FRYL: variants seen among roughly 807,000 people sequenced by gnomAD.
FRYL encodes protein furry homolog-like.
A neutral mutation model predicts 351.2 loss-of-function variants in FRYL; 150 were observed. The observed-to-expected ratio is 0.43, with a 90% CI of 0.37 to 0.49. FRYL has a LOEUF of 0.49. Among genes scored for constraint, FRYL ranks in the 20% least tolerant of loss-of-function variants. FRYL has a pLI of 0.00. For missense variants in FRYL, 3,036 were observed against 3,619.3 expected (o/e 0.84, Z 4.13); for synonymous variants, 1,153 against 1,257.1 (o/e 0.92, Z 1.75).
intron 3 of FRYL, among the ~76,000 whole-genome samples, chr4:48,644,027 T>A (rs1755871348): frequency 5.3e-5 from 8 of 152,166 alleles, no homozygotes; most frequent in Admixed American, 5.2e-4. Flanking sequence ...CACTGCAACC[T>A]CTGCCTCCCA....
chr4:48,703,234 C>G (rs1264921021), intron 2 of FRYL, among the ~76,000 whole-genome samples: 2 of 152,138 alleles, frequency 1.3e-5, no homozygotes, highest in Admixed American at 6.5e-5. Context: ...GGGACTAAGA[C>G]AGTATGGGAC....
intron 3 of FRYL, among the ~76,000 whole-genome samples, chr4:48,658,094 C>T (rs1272236203): frequency 6.6e-6 from 1 of 152,016 alleles, no homozygotes; most frequent in African/African-American, 2.4e-5. Context: ...CAAAATATTG[C>T]TATTTAGATA....
chr4:48,613,352 A>G (rs1748644091), intron 7 of FRYL, among the ~76,000 whole-genome samples: 1 of 152,138 alleles, frequency 6.6e-6, no homozygotes, highest in South Asian at 2.1e-4. Context: ...ACAGGGTTTG[A>G]TATTATCCAT....
chr4:48,680,950 T>C lies in FRYL; in HGVS notation c.-81+3723A>G, dbSNP rs1191710507. ...TTTACCTAGTTGTTGGTGTTCGTAT[T>C]TGTCATAATTACTATGACAGAAATT... On this transcript the variant is annotated intron_variant, in intron 3 of 63. Transcript: ENST00000358350. The C allele has an allele frequency of 5.6e-6, 7 of 1,241,156 alleles. No homozygotes were observed. In the Admixed American group the frequency reaches 1.3e-4, roughly 23 times the overall value. 76.9% of individuals were successfully genotyped at this position (1,241,156 alleles called of 1,614,324 possible).
In FRYL at chr4:48,564,074, G is replaced by A. The variant is rs779132799; in HGVS notation, c.3470C>T (p.Thr1157Met). The stretch of plus-strand genomic sequence containing the variant: ...ATCAGGGTTCAGCTCCAGTAACAAC[G>A]TAACTGCTTCACAGCCCAGCTGGTG... ...KVHQLGCEAV[T>M]LLLELNPDQS... The change falls in exon 31 of 64, where the codon ACG (threonine) becomes ATG (methionine). Residue 1157 changes from threonine to methionine, a missense_variant. Coordinates refer to ENST00000358350, the MANE Select transcript of FRYL (RefSeq NM_015030.2). The A allele has an allele frequency of 3.1e-6, 5 of 1,614,082 alleles. No homozygotes were observed. The highest frequency in any genetic ancestry group is 4.2e-6 in the Non-Finnish European group (5 of 1,179,998).
chr4:48,674,690 TC>T (rs1170995649), intron 3 of FRYL, among the ~76,000 whole-genome samples: 4 of 115,798 alleles, frequency 3.5e-5, no homozygotes, highest in Non-Finnish European at 6.5e-5. Context: ...TGAGCCAAGA[TC>T]GCTCCACTGC....
At chr4:48,511,099 G>A in intron 57 of FRYL, 115 bp from the exon 58 acceptor site, 1 of 582,722 alleles carries the variant, frequency 1.7e-6, no homozygotes, top group South Asian at 2.8e-5. Context: ...ATGATATATA[G>A]AACTTTAATC....
chr4:48,705,103 G>A (rs1427695886), intron 2 of FRYL, among the ~76,000 whole-genome samples: 1 of 151,998 alleles, frequency 6.6e-6, no homozygotes, highest in East Asian at 1.9e-4. Context: ...CCTGGGTGAC[G>A]GTGAGACTGT....
At chr4:48,592,082 T>TATATATA (rs888017807) in intron 16 of FRYL, among the ~76,000 whole-genome samples, 22 of 116,206 alleles carry the variant, frequency 1.9e-4, no homozygotes, top group South Asian at 8.7e-4. Flanking sequence ...AATAAAGCTC[T>TATATATA]TATATATATA....
chr4:48,666,975 TAACA>T (rs1761823863), intron 3 of FRYL, among the ~76,000 whole-genome samples: 2 of 152,176 alleles, frequency 1.3e-5, no homozygotes, highest in Admixed American at 1.3e-4. Context: ...TTGGATTGTT[TAACA>T]GTTTAAATAA....
rs902542235 is a variant in FRYL at position 48,596,069 on chromosome 4, T to C, written c.1036-69A>G. 8 of 1,009,240 alleles carry C rather than the reference T, an allele frequency of 7.9e-6. No individual in the cohort carries two copies. The Admixed American group carries it at 1.0e-4, about 13-fold the overall frequency. 62.5% of individuals were successfully genotyped at this position (1,009,240 alleles called of 1,614,324 possible). On this transcript the variant is annotated intron_variant, in intron 13 of 63. Transcript: ENST00000358350. Reference sequence around the variant, plus strand: ...ATCACTTAACAGCAAACATATTCTCTGTCAACAACTAAAAGCCAATCTTTT... The same window carrying C: ...ATCACTTAACAGCAAACATATTCTCCGTCAACAACTAAAAGCCAATCTTTT...
intron 32 of FRYL, among the ~76,000 whole-genome samples, chr4:48,562,322 T>C (rs1344068395): frequency 6.6e-6 from 1 of 152,166 alleles, no homozygotes; most frequent in African/African-American, 2.4e-5. Flanking sequence ...CTAAGATGGA[T>C]CTACTGGCAT....
At chr4:48,523,274 A>G (rs1725289552) in intron 53 of FRYL, among the ~76,000 whole-genome samples, 170 bp from the exon 54 acceptor site, 1 of 152,168 alleles carries the variant, frequency 6.6e-6, no homozygotes, top group Admixed American at 6.5e-5. Flanking sequence ...ACCATCAAAT[A>G]TTTATATTTA....
At chr4:48,612,525 T>TGTGTGTGA (rs987228321) in intron 7 of FRYL, among the ~76,000 whole-genome samples, 2 of 151,672 alleles carry the variant, frequency 1.3e-5, no homozygotes, top group African/African-American at 2.4e-5. Context: ...TGTGTGTGTG[T>TGTGTGTGA]GACACCACAT....
In FRYL at chr4:48,553,395, G is replaced by T. The variant is rs376521046; in HGVS notation, c.4267-12C>A. On this transcript the variant is annotated splice_polypyrimidine_tract_variant and intron_variant, in intron 35 of 63. Transcript: ENST00000358350. ...ATGACCTTCTTCACCTGTCACAAAAGAAATCGTTCAGAAAAGAAAAAGCAA... is the reference window on the plus strand; with the variant it reads ...ATGACCTTCTTCACCTGTCACAAAATAAATCGTTCAGAAAAGAAAAAGCAA... The T allele has an allele frequency of 1.9e-6, 3 of 1,592,764 alleles. No homozygotes were observed. The highest frequency in any genetic ancestry group is 1.8e-5 in the Admixed American group (1 of 56,330).
At chr4:48,535,539 G>A (rs1728678032) in intron 48 of FRYL, 118 bp downstream of exon 48, 1 of 472,836 alleles carries the variant, frequency 2.1e-6, no homozygotes, top group Non-Finnish European at 3.4e-6. Context: ...AACTTGATAA[G>A]GTGCCACAGA....
intron 3 of FRYL, among the ~76,000 whole-genome samples, chr4:48,650,014 G>C (rs1317196529): frequency 6.6e-6 from 1 of 151,626 alleles, no homozygotes; most frequent in Non-Finnish European, 1.5e-5. Flanking sequence ...GGCAACATTT[G>C]AAATATATAA....
rs1284378023 is a variant in FRYL at position 48,623,181 on chromosome 4, T to C, written c.121-2A>G. 2 of 1,450,660 alleles carry C rather than the reference T, an allele frequency of 1.4e-6. No homozygotes were observed. Among genetic ancestry groups the C allele is most frequent in the Non-Finnish European group, 1.9e-6 (2 of 1,066,748 alleles). 89.9% of individuals were successfully genotyped at this position (1,450,660 alleles called of 1,614,324 possible). On this transcript the variant is annotated splice_acceptor_variant, in intron 4 of 63. Coordinates refer to ENST00000358350, the MANE Select transcript of FRYL (RefSeq NM_015030.2). LOFTEE classifies it high-confidence loss of function. The stretch of plus-strand genomic sequence containing the variant: ...AAGAGATCTGGACAATAGCTTCTCC[T>C]ATGATTAAAAAAAACAAACATTAAA...
chr4:48,686,315 C>A (rs1249158518), intron 2 of FRYL, among the ~76,000 whole-genome samples: 2 of 152,090 alleles, frequency 1.3e-5, no homozygotes, highest in Admixed American at 1.3e-4. Context: ...ATCTTCAAAG[C>A]CAAAAATCTG....
Sources: allele counts gnomAD v4.1 joint callset (sites outside exome capture counted in the v4.1 genomes callset), GRCh38; gene constraint gnomAD v4.1.1; transcripts MANE v1.5; gene names NCBI Gene and HGNC (gene_info 2026-07-23, HGNC 2026-07-21).